The following ATP13A5 variants were observed in gnomAD, a reference collection of about 807,000 sequenced individuals.
ATP13A5 encodes the protein ATPase 13A5.
A neutral mutation model predicts 150.2 loss-of-function variants in ATP13A5; 149 were observed. That is an observed-to-expected ratio of 0.99 (90% confidence interval 0.87 to 1.14). The LOEUF (loss-of-function observed/expected upper bound fraction) is 1.14. Ranked by LOEUF, ATP13A5 falls within the 50% of genes most tolerant of loss-of-function variation. ATP13A5 has a pLI of 0.00. For synonymous variants in ATP13A5, 497 were observed against 522.2 expected, an observed-to-expected ratio of 0.95 and a Z score of 0.66; for missense variants, 1,383 against 1,449.3, an observed-to-expected ratio of 0.95 and a Z score of 0.74.
rs1712226817 is a variant in ATP13A5, at chr3:193,344,008, T to TAAG, written c.859_861dup (p.Leu287dup). On this transcript the variant is annotated inframe_insertion, in exon 9 of 30. Transcript: ENST00000342358. Reference sequence around the variant, plus strand: ...GGCAATGAAAATTTTCCTGGAAGAATAAGAATGTCTCCGGGAACCAAGAGA... The same window carrying TAAG: ...GGCAATGAAAATTTTCCTGGAAGAATAAGAAGAATGTCTCCGGGAACCAAGAGA... The TAAG allele has an allele frequency of 6.2e-7, 1 of 1,613,374 alleles. No individual in the cohort carries two copies. The highest frequency in any genetic ancestry group is 1.1e-5 in the South Asian group (1 of 91,056).
chr3:193,298,686 G>A (rs1360263247), intron 25 of ATP13A5, among the ~76,000 whole-genome samples: 2 of 152,100 alleles, frequency 1.3e-5, no homozygotes, highest in Non-Finnish European at 2.9e-5. Context: ...AATAGCTGCT[G>A]TTGGAAGCCA....
chr3:193,324,869 C>A lies in ATP13A5; in HGVS notation c.1669G>T (p.Ala557Ser). 1 of 1,613,788 alleles carries A rather than the reference C, an allele frequency of 6.2e-7. No homozygotes were observed. The highest frequency in any genetic ancestry group is 8.5e-7 in the Non-Finnish European group (1 of 1,179,858). ...PLDLKMFEGT[A>S]WKMEDCIVDS... ...CCATTAAACTATCACCTTACCCAGG[C>A]AGTGCCCTCAAACATTTTGAGGTCC... Residue 557 changes from alanine to serine, a missense_variant, in exon 14 of 30, where the codon GCC becomes TCC. Ala to Ser is a moderately conservative substitution (Grantham distance 99). Around this residue, in one of 3 missense-constraint regions of ATP13A5, gnomAD observed 787 missense variants for 771.9 expected, o/e 1.02. Transcript: ENST00000342358.
chr3:193,367,218 G>C (rs1345551239), intron 1 of ATP13A5, among the ~76,000 whole-genome samples: 5 of 151,936 alleles, frequency 3.3e-5, no homozygotes, highest in African/African-American at 1.2e-4. Context: ...AAGACAGAAA[G>C]TAGAAATACA....
Position 193,333,864 on chromosome 3 carries a change from G to T in ATP13A5, c.1158C>A (p.Tyr386Ter). The change falls in exon 11 of 30, where the codon TAC becomes TAA. Residue 386 changes from tyrosine (Y) to a stop codon, truncating the protein, a stop_gained. Transcript: ENST00000342358. LOFTEE classifies it high-confidence loss of function. ...AKGDLVRSILYPRPLNFKLYS... is the reference protein window; with the variant it reads ...AKGDLVRSIL ...ATAGTTTGAAGTTCAGAGGCCGGGG[G>T]TACAGGATGGATCTCACTAAGTCCC... The T allele has an allele frequency of 1.9e-6, 3 of 1,613,892 alleles. No individual in the cohort carries two copies. The highest frequency in any genetic ancestry group is 2.5e-6 in the Non-Finnish European group (3 of 1,179,868).
In ATP13A5 at chr3:193,363,283, C is replaced by G; in HGVS notation, c.337G>C (p.Asp113His). 1 of 1,613,854 alleles carries G rather than the reference C, an allele frequency of 6.2e-7. No individual in the cohort carries two copies. The highest frequency in any genetic ancestry group is 8.5e-7 in the Non-Finnish European group (1 of 1,179,800). The change falls in exon 3 of 30, where the codon GAC becomes CAC. Residue 113 changes from aspartate to histidine, a missense_variant. Asp to His is a moderately conservative substitution (Grantham distance 81). Transcript: ENST00000342358. Reference protein sequence around the residue: ...SKKWEESLVADRHSVINQALI... With the variant: ...SKKWEESLVAHRHSVINQALI... ...GCTTGGTTTATGACAGAGTGGCGGT[C>G]AGCCACCAGGGATTCTTCCCACTTC...
In ATP13A5 at chr3:193,337,289, GT is replaced by G. The variant is rs907516858; in HGVS notation, c.944-2191del. Among the ~76,000 whole-genome samples the G allele has an allele frequency of 1.6e-3, 245 of 152,278 alleles. 2 individuals are homozygous for G. The highest frequency in any genetic ancestry group is 4.6e-3 in the African/African-American group (190 of 41,554). On this transcript the variant is annotated intron_variant, in intron 9 of 29. Transcript: ENST00000342358. ...GGCTTTTGTTGCCATTGCTTTTGGT[GT>G]TTTAGACATGAAGTCGTTGCCCATG...
Position 193,361,715 on chromosome 3 carries a change from T to C in ATP13A5, c.536+666A>G, listed in dbSNP as rs78564263. ...TAATAATAGCATAAGCATTTCCTAATTTATGTGCATCTATAGGTACCAATC... is the reference window on the plus strand; with the variant it reads ...TAATAATAGCATAAGCATTTCCTAACTTATGTGCATCTATAGGTACCAATC... On this transcript the variant is annotated intron_variant, in intron 5 of 29. Transcript: ENST00000342358. 4.1e-3 allele frequency among the ~76,000 whole-genome samples: 617 copies of C among 152,320 alleles called. 12 individuals carry two copies. Among genetic ancestry groups the C allele is most frequent in the East Asian group, 0.035 (181 of 5,182 alleles).
intron 25 of ATP13A5, among the ~76,000 whole-genome samples, chr3:193,290,652 A>T (rs947775861): frequency 7.2e-5 from 11 of 152,314 alleles, no homozygotes; most frequent in African/African-American, 2.6e-4. Context: ...TACATTAAGA[A>T]AAAGAACTCA....
At chr3:193,369,595 C>T (rs1243134865) in intron 1 of ATP13A5, among the ~76,000 whole-genome samples, 1 of 139,852 alleles carries the variant, frequency 7.2e-6, no homozygotes, top group Admixed American at 7.5e-5. Context: ...CTGAGAAATG[C>T]AGGGTAGAGG....
chr3:193,345,201 C>A, intron 7 of ATP13A5, 126 bp from the exon 8 acceptor site: 1 of 827,538 alleles, frequency 1.2e-6, no homozygotes, highest in Non-Finnish European at 2.0e-6. Flanking sequence ...GACTCAACTT[C>A]TTTTGATGCT....
At position 193,318,989 on chromosome 3, in the gene ATP13A5, A is replaced by G; in HGVS notation, c.2033+2T>C. On this transcript the variant is annotated splice_donor_variant, in intron 17 of 29. Coordinates refer to ENST00000342358, the MANE Select transcript of ATP13A5 (RefSeq NM_198505.4). LOFTEE classifies it high-confidence loss of function. ...TCTAGTGCCAATTTCTGAATTGCTT[A>G]CCTGGCTAAGTGCTCGACTTCTGAA... 1 of 1,609,594 alleles carries G rather than the reference A, an allele frequency of 6.2e-7. No individual in the cohort carries two copies. The highest frequency in any genetic ancestry group is 1.3e-5 in the African/African-American group (1 of 74,922).
At chr3:193,287,124 G>C (rs1717754123) in intron 26 of ATP13A5, among the ~76,000 whole-genome samples, 1 of 152,118 alleles carries the variant, frequency 6.6e-6, no homozygotes. Flanking sequence ...TTTGAAACTA[G>C]CAAGAGGTTG....
chr3:193,362,715 G>A, intron 3 of ATP13A5, 78 bp from the exon 4 acceptor site: 1 of 1,274,582 alleles, frequency 7.8e-7, no homozygotes, highest in Non-Finnish European at 1.1e-6. Flanking sequence ...GTCCAATGCA[G>A]GATGCAGATC....
chr3:193,353,984 A>G, intron 6 of ATP13A5, 143 bp downstream of exon 6: 1 of 609,168 alleles, frequency 1.6e-6, no homozygotes, highest in South Asian at 2.4e-5. Context: ...AGTAAACCTG[A>G]GTTTAAAATA....
intron 23 of ATP13A5, among the ~76,000 whole-genome samples, chr3:193,303,505 ATAATG>A (rs1000420686): frequency 3.3e-5 from 5 of 152,138 alleles, no homozygotes; most frequent in African/African-American, 1.2e-4. Context: ...CACTCAATAA[ATAATG>A]TATATATTTG....
chr3:193,372,180 C>A, intron 1 of ATP13A5: 1 of 171,426 alleles, frequency 5.8e-6, no homozygotes, highest in Non-Finnish European at 1.2e-5. Context: ...TCCTGTAGTC[C>A]CAACTACTCA....
At chr3:193,330,556 T>TG (rs574214777) in intron 12 of ATP13A5, among the ~76,000 whole-genome samples, 9 of 152,278 alleles carry the variant, frequency 5.9e-5, no homozygotes, top group South Asian at 2.1e-4. Context: ...ACTCACGTCA[T>TG]GGGGGGGTGT....
In ATP13A5 at chr3:193,315,194, C is replaced by T. The variant is rs896179407; in HGVS notation, c.2034-98G>A. On this transcript the variant is annotated intron_variant, in intron 17 of 29. Transcript: ENST00000342358. ...TAAAAATTTATAAGTTTTATTAATG[C>T]AATACAGGCACATTTTAAAAATCAA... 1.3e-5 allele frequency: 15 copies of T among 1,153,858 alleles called. No individual in the cohort carries two copies. The Admixed American group carries it at 2.9e-4, about 22-fold the overall frequency. The allele number at this position is 1,153,858 out of a possible 1,614,324, so 71.5% of individuals were successfully genotyped here. A position where few individuals can be genotyped will look rare whatever the true frequency, so the allele number is the denominator to read the frequency against.
At chr3:193,303,922 C>T (rs935887109) in intron 23 of ATP13A5, among the ~76,000 whole-genome samples, 1 of 151,668 alleles carries the variant, frequency 6.6e-6, no homozygotes, top group Non-Finnish European at 1.5e-5. Context: ...CACACACACA[C>T]ATAATTTTTG....
Sources: gnomAD v4.1 joint callset for allele counts (sites outside exome capture counted in the v4.1 genomes callset) on GRCh38, gnomAD v4.1.1 for gene constraint, gnomAD v4.1.1 regional missense constraint, MANE v1.5 for transcripts, NCBI Gene and HGNC (gene_info 2026-07-23, HGNC 2026-07-21) for gene names.